TNS2: variants seen among roughly 807,000 people sequenced by gnomAD.
The protein encoded by TNS2 is tensin-2.
TNS2 carries 77 observed loss-of-function variants against 155.7 expected under a neutral mutation model. The observed-to-expected ratio is 0.49, with a 90% CI of 0.41 to 0.60. The LOEUF is 0.60. TNS2 is among the 20% of genes least tolerant of loss of function. TNS2 has a pLI of 0.00. For missense variants in TNS2, 1,703 were observed against 1,868.8 expected, an observed-to-expected ratio of 0.91 and a Z score of 1.64; for synonymous variants, 726 against 763.9, an observed-to-expected ratio of 0.95 and a Z score of 0.82.
In TNS2 at chr12:53,064,257, G is replaced by A. The variant is rs1183338319; in HGVS notation, c.*375G>A. 7 of 228,998 alleles carry A rather than the reference G, an allele frequency of 3.1e-5. No individual in the cohort carries two copies. The South Asian group carries it at 6.7e-4, about 22-fold the overall frequency. 14.2% of individuals were successfully genotyped at this position (228,998 alleles called of 1,614,324 possible). A position where few individuals can be genotyped will look rare whatever the true frequency, so the allele number is the denominator to read the frequency against. Reference sequence around the variant, plus strand: ...GTGCCAGCACGGCAGGGATGGGAGAGGGGTGGGGAGCGAGTCACTGCCTCC... The same window carrying A: ...GTGCCAGCACGGCAGGGATGGGAGAAGGGTGGGGAGCGAGTCACTGCCTCC... On this transcript the variant is annotated 3_prime_UTR_variant, in exon 29 of 29. Coordinates refer to ENST00000314250, the MANE Select transcript of TNS2 (RefSeq NM_170754.4).
In TNS2 at chr12:53,063,643, G is replaced by T. The variant is rs1227320809; in HGVS notation, c.4091+51G>T. On this transcript the variant is annotated intron_variant, in intron 28 of 28. Transcript: ENST00000314250. This position sits in a 1 kb window ranked among gnomAD's most constrained non-coding sequence, Gnocchi z 5.6. ...CTTCCTTCCAAGGGACCAGGGCGCTGCTGTCCTCTCAATGCTGGCATTTGA... is the reference window on the plus strand; with the variant it reads ...CTTCCTTCCAAGGGACCAGGGCGCTTCTGTCCTCTCAATGCTGGCATTTGA... 1 of 1,614,168 alleles carries T rather than the reference G, an allele frequency of 6.2e-7. No homozygotes were observed. Among genetic ancestry groups the T allele is most frequent in the Admixed American group, 1.7e-5 (1 of 60,030 alleles).
In TNS2 at chr12:53,054,002, G is replaced by C. The variant is rs1211564501; in HGVS notation, c.338G>C (p.Ser113Thr). The C allele has an allele frequency of 8.7e-6, 14 of 1,614,194 alleles. No individual in the cohort carries two copies. Among genetic ancestry groups the C allele is most frequent in the Non-Finnish European group, 1.2e-5 (14 of 1,180,032 alleles). ...TCTCTGAACCACTCAAAGCAGCGCA[G>C]CACTCTGCCCAGGTAAGTGAGGGTG... The part of the protein sequence containing the change: ...TKSLNHSKQR[S>T]TLPRSFSLDP... The change falls in exon 6 of 29, where the codon AGC (serine) becomes ACC (threonine). Residue 113 changes from serine to threonine, a missense_variant. Transcript: ENST00000314250.
At position 53,058,330 on chromosome 12, in the gene TNS2, C is replaced by G; in HGVS notation, c.1110C>G (p.His370Gln). 1 of 1,614,114 alleles carries G rather than the reference C, an allele frequency of 6.2e-7. No homozygotes were observed. Among genetic ancestry groups the G allele is most frequent in the Non-Finnish European group, 8.5e-7 (1 of 1,180,006 alleles). ...LKGDVMVTCY[H>Q]KGGRGTDRTL... ...CTTTCTCCCAGGTAACATGTTATCA[C>G]AAGGGTGGCCGGGGCACAGACCGGA... Residue 370 changes from histidine (H) to glutamine (Q), a missense_variant, in exon 15 of 29, where the codon CAC (histidine) becomes CAG (glutamine). His to Gln is a conservative substitution (Grantham distance 24). Coordinates refer to ENST00000314250, the MANE Select transcript of TNS2 (RefSeq NM_170754.4).
intron 13 of TNS2, 70 bp from the exon 14 acceptor site, chr12:53,057,957 C>G: frequency 6.2e-7 from 1 of 1,610,166 alleles, no homozygotes; most frequent in Non-Finnish European, 8.5e-7. Flanking sequence ...CCTGGCTCCC[C>G]CTGACTGCAT....
At chr12:53,054,891 C>T (rs569196117) in intron 7 of TNS2, among the ~76,000 whole-genome samples, 3 of 118,244 alleles carry the variant, frequency 2.5e-5, no homozygotes, top group East Asian at 4.8e-4. Context: ...GACGGGGTTT[C>T]GCCATGTTGG....
At position 53,060,785 on chromosome 12, in the gene TNS2, T is replaced by C. The variant is rs1944353521; in HGVS notation, c.2879T>C (p.Leu960Pro). ...SQAGTGKAPELPSGSGPEPLA... is the reference protein window; with the variant it reads ...SQAGTGKAPEPPSGSGPEPLA... ...GCAGGCACCGGAAAGGCCCCTGAGCTGCCGTCGGGAAGTGGGCCTGAGCCT... is the reference window on the plus strand; with the variant it reads ...GCAGGCACCGGAAAGGCCCCTGAGCCGCCGTCGGGAAGTGGGCCTGAGCCT... The change falls in exon 20 of 29, where the codon CTG becomes CCG. Residue 960 changes from leucine (L) to proline (P), a missense_variant. Leu to Pro is a moderately conservative substitution (Grantham distance 98). Coordinates refer to ENST00000314250, the MANE Select transcript of TNS2 (RefSeq NM_170754.4). The surrounding 1 kb of genome is among the most constrained non-coding windows in gnomAD (Gnocchi z 6.1). 3 of 1,612,148 alleles carry C rather than the reference T, an allele frequency of 1.9e-6. No homozygotes were observed. The highest frequency in any genetic ancestry group is 2.5e-6 in the Non-Finnish European group (3 of 1,179,052).
rs1323188505 is a variant in TNS2, at chr12:53,063,513, C to T, written c.4062-50C>T. On this transcript the variant is annotated intron_variant, in intron 27 of 28. Transcript: ENST00000314250. The surrounding 1 kb of genome is among the most constrained non-coding windows in gnomAD (Gnocchi z 5.6). ...CCCAGCCCCGGCCCCGGCCCCCCTT[C>T]AGCAGCTGTCCCCTGGGGTGTGCAT... 5 of 1,574,726 alleles carry T rather than the reference C, an allele frequency of 3.2e-6. No homozygotes were observed. Among genetic ancestry groups the T allele is most frequent in the Non-Finnish European group, 4.3e-6 (5 of 1,150,336 alleles).
At position 53,062,160 on chromosome 12, in the gene TNS2, C is replaced by G. The variant is rs774212378; in HGVS notation, c.3582C>G (p.Pro1194=). 1 of 1,614,002 alleles carries G rather than the reference C, an allele frequency of 6.2e-7. No individual in the cohort carries two copies. The highest frequency in any genetic ancestry group is 1.3e-5 in the African/African-American group (1 of 75,062). Reference sequence around the variant, plus strand: ...CCCCTCGCCTCCTCTCAGGGGACCCCGTGGAACAGCTGGTCCGCCATTTCC... The same window carrying G: ...CCCCTCGCCTCCTCTCAGGGGACCCGGTGGAACAGCTGGTCCGCCATTTCC... The part of the protein sequence containing the change: ...PPSAQPWKGD[P]VEQLVRHFLI... Residue 1194 remains proline (P), a synonymous_variant, in exon 23 of 29, where the codon CCC becomes CCG. Transcript: ENST00000314250.
At chr12:53,052,597 C>T in intron 3 of TNS2, 105 bp downstream of exon 3, 5 of 1,467,968 alleles carry the variant, frequency 3.4e-6, no homozygotes, top group Non-Finnish European at 4.8e-6. Context: ...ACCTCCACCC[C>T]TCTCACCACT....
chr12:53,053,231 G>T (rs1171701529), intron 3 of TNS2, 180 bp from the exon 4 acceptor site: 1 of 685,002 alleles, frequency 1.5e-6, no homozygotes, highest in Admixed American at 2.2e-5. Context: ...GGGGGCCTGG[G>T]GGGTGGGGGA....
rs1308422117 is a variant in TNS2 at position 53,054,505 on chromosome 12, T to C, written c.522+64T>C. On this transcript the variant is annotated intron_variant, in intron 7 of 28. Coordinates refer to ENST00000314250, the MANE Select transcript of TNS2 (RefSeq NM_170754.4). ...GATGTAGGGTCCAGATGGGCGAGGCTAATCACTGACGTCACCAGCGGAGGC... is the reference window on the plus strand; with the variant it reads ...GATGTAGGGTCCAGATGGGCGAGGCCAATCACTGACGTCACCAGCGGAGGC... 10 of 1,433,684 alleles carry C rather than the reference T, an allele frequency of 7.0e-6. No homozygotes were observed. The Admixed American group carries it at 2.8e-4, about 41-fold the overall frequency. 88.8% of individuals were successfully genotyped at this position (1,433,684 alleles called of 1,614,324 possible). A position where few individuals can be genotyped will look rare whatever the true frequency, so the allele number is the denominator to read the frequency against.
Position 53,060,326 on chromosome 12 carries a change from G to A in TNS2, c.2617+68G>A, listed in dbSNP as rs955506818. 3.2e-6 allele frequency: 5 copies of A among 1,564,710 alleles called. No individual in the cohort carries two copies. The highest frequency in any genetic ancestry group is 4.3e-6 in the Non-Finnish European group (5 of 1,152,880). Reference sequence around the variant, plus strand: ...TCTGGAAGATGGTGGGGAAGTCAAGGGGGAACAGGGTGAGAAACAGCTAAG... The same window carrying A: ...TCTGGAAGATGGTGGGGAAGTCAAGAGGGAACAGGGTGAGAAACAGCTAAG... On this transcript the variant is annotated intron_variant, in intron 18 of 28. Transcript: ENST00000314250. This position sits in a 1 kb window ranked among gnomAD's most constrained non-coding sequence, Gnocchi z 6.1.
chr12:53,057,915 T>C (rs1367559657), intron 13 of TNS2, 82 bp downstream of exon 13: 1 of 1,608,686 alleles, frequency 6.2e-7, no homozygotes, highest in Non-Finnish European at 8.5e-7. Flanking sequence ...CCAGCCTCCC[T>C]AGACACCTGG....
In TNS2 at chr12:53,061,060, T is replaced by C; in HGVS notation, c.3154T>C (p.Ser1052Pro). 2 of 1,613,344 alleles carry C rather than the reference T, an allele frequency of 1.2e-6. No individual in the cohort carries two copies. Among genetic ancestry groups the C allele is most frequent in the Non-Finnish European group, 1.7e-6 (2 of 1,179,766 alleles). ...LVASPEPPQS[S>P]PTPAFPLAAS... ...GGCCAGCCCAGAGCCGCCTCAGAGC[T>C]CACCTACACCTGCTTTCCCCCTGGC... Residue 1052 changes from serine to proline, a missense_variant, in exon 20 of 29, where the codon TCA becomes CCA. By Grantham distance (74) the Ser-to-Pro change is moderately conservative. Transcript: ENST00000314250.
At chr12:53,058,252 C>T in intron 14 of TNS2, 64 bp from the exon 15 acceptor site, 1 of 1,604,288 alleles carries the variant, frequency 6.2e-7, no homozygotes, top group South Asian at 1.1e-5. Context: ...ACCAGGCAGT[C>T]CCCAGGGTGG....
rs767236178 is a variant in TNS2 at position 53,058,496 on chromosome 12, GGC to G, written c.1225+52_1225+53del. 49 of 1,607,654 alleles carry G rather than the reference GGC, an allele frequency of 3.0e-5. No homozygotes were observed. The South Asian group carries it at 5.4e-4, about 18-fold the overall frequency. ...GCTGGAGTCCAGGTGGCAGGCAGGTGGCAGGCAGGTGGCAGGCAGGCAGGAGA... is the reference window on the plus strand; with the variant it reads ...GCTGGAGTCCAGGTGGCAGGCAGGTGAGGCAGGTGGCAGGCAGGCAGGAGA... On this transcript the variant is annotated intron_variant, in intron 15 of 28. Coordinates refer to ENST00000314250, the MANE Select transcript of TNS2 (RefSeq NM_170754.4).
Position 53,060,445 on chromosome 12 carries a change from G to T in TNS2, c.2658G>T (p.Gly886=). ...EPVSWREGPS[G]HSTLPRSPRD... Reference sequence around the variant, plus strand: ...TGTCCTGGAGGGAGGGCCCCAGTGGGCACAGCACACTGCCTCGGTCTCCCC... The same window carrying T: ...TGTCCTGGAGGGAGGGCCCCAGTGGTCACAGCACACTGCCTCGGTCTCCCC... Residue 886 remains glycine (G), a synonymous_variant, in exon 19 of 29, where the codon GGG becomes GGT. Coordinates refer to ENST00000314250, the MANE Select transcript of TNS2 (RefSeq NM_170754.4). This position sits in a 1 kb window ranked among gnomAD's most constrained non-coding sequence, Gnocchi z 6.1. The T allele has an allele frequency of 6.2e-7, 1 of 1,613,552 alleles. No homozygotes were observed. The highest frequency in any genetic ancestry group is 8.5e-7 in the Non-Finnish European group (1 of 1,179,972).
Position 53,057,798 on chromosome 12 carries a change from C to T in TNS2, c.984C>T (p.Tyr328=), listed in dbSNP as rs775979158. 1 of 1,614,070 alleles carries T rather than the reference C, an allele frequency of 6.2e-7. No homozygotes were observed. Among genetic ancestry groups the T allele is most frequent in the Non-Finnish European group, 8.5e-7 (1 of 1,180,042 alleles). The change falls in exon 13 of 29, where the codon TAC becomes TAT. Residue 328 remains tyrosine (Y), a synonymous_variant. Transcript: ENST00000314250. ...GCTTCCAGCCCTTCCTTAAAATCTA[C>T]CAGTCCATGCAGCTTGTCTACACAT... is the stretch of plus-strand genomic sequence containing the variant. ...GTGFQPFLKI[Y]QSMQLVYTSG...
rs199622713 is a variant in TNS2 at position 53,062,404 on chromosome 12, C to A, written c.3696C>A (p.His1232Gln). ...FGSLSALVSQ[H>Q]SISPISLPCC... ...GCCTGTCCGCCTTGGTCTCCCAGCA[C>A]TCCATCTCCCCCATCTCCCTGCCCT... The change falls in exon 24 of 29, where the codon CAC becomes CAA. Residue 1232 changes from histidine to glutamine, a missense_variant. Coordinates refer to ENST00000314250, the MANE Select transcript of TNS2 (RefSeq NM_170754.4). 3 of 1,614,056 alleles carry A rather than the reference C, an allele frequency of 1.9e-6. No homozygotes were observed. The highest frequency in any genetic ancestry group is 3.3e-5 in the Admixed American group (2 of 60,008).
Sources: gnomAD v4.1 joint callset for allele counts (sites outside exome capture counted in the v4.1 genomes callset) on GRCh38, gnomAD v4.1.1 for gene constraint, Gnocchi (gnomAD v3.1) non-coding constraint, MANE v1.5 for transcripts, NCBI Gene and HGNC (gene_info 2026-07-23, HGNC 2026-07-21) for gene names.